The following PALLD variants were observed in gnomAD, a reference collection of about 807,000 sequenced individuals.
PALLD encodes palladin.
In PALLD, 61 loss-of-function variants were observed where a neutral mutation model predicts 123.5. The observed-to-expected ratio is 0.49, with a 90% CI of 0.40 to 0.61. The LOEUF is 0.61. Among genes scored for constraint, PALLD ranks in the 20% least tolerant of loss-of-function variants. PALLD has a pLI of 0.00. For synonymous variants in PALLD, 465 were observed against 496.4 expected, an observed-to-expected ratio of 0.94 and a Z score of 0.84; for missense variants, 1,273 against 1,377.0, an observed-to-expected ratio of 0.92 and a Z score of 1.20.
At chr4:168,908,129 A>G (rs2151354096) in intron 15 of PALLD, among the ~76,000 whole-genome samples, 2 of 152,312 alleles carry the variant, frequency 1.3e-5, no homozygotes, top group African/African-American at 4.8e-5. Flanking sequence ...CAAGTTTCTG[A>G]GCATGTTGCC....
intron 8 of PALLD, 42 bp downstream of exon 8, chr4:168,691,334 G>T: frequency 6.5e-7 from 1 of 1,531,872 alleles, no homozygotes; most frequent in Non-Finnish European, 9.0e-7. Context: ...TGGTGGGGGA[G>T]CAGATAATGT....
rs1031710807 is a variant in PALLD, at chr4:168,891,014, G to A, written c.2057G>A (p.Arg686Gln). Residue 686 changes from arginine to glutamine, a missense_variant, in exon 11 of 22, where the codon CGA becomes CAA. By Grantham distance (43) the Arg-to-Gln change is conservative. Coordinates refer to ENST00000505667, the MANE Select transcript of PALLD (RefSeq NM_001166108.2). ...TKDAVIQDLE[R>Q]KLRFKEDLLN... Reference sequence around the variant, plus strand: ...GATGCTGTTATTCAAGACCTGGAACGAAAACTTCGCTTCAAGGAGGACCTC... The same window carrying A: ...GATGCTGTTATTCAAGACCTGGAACAAAAACTTCGCTTCAAGGAGGACCTC... 9 of 1,613,976 alleles carry A rather than the reference G, an allele frequency of 5.6e-6. No homozygotes were observed. Among genetic ancestry groups the A allele is most frequent in the African/African-American group, 1.3e-5 (1 of 74,890 alleles).
chr4:168,527,179 T>C (rs771391740), intron 2 of PALLD, among the ~76,000 whole-genome samples: 3 of 151,868 alleles, frequency 2.0e-5, no homozygotes, highest in Admixed American at 6.6e-5. Flanking sequence ...TCCCAGCACG[T>C]TGGGAGGCTG....
intron 3 of PALLD, among the ~76,000 whole-genome samples, chr4:168,673,318 T>C (rs567534738): frequency 1.2e-4 from 18 of 152,280 alleles, no homozygotes; most frequent in Non-Finnish European, 2.4e-4. Context: ...TCCAAAGAGA[T>C]GACATTTGGT....
At chr4:168,917,895 A>G (rs577307530) in intron 17 of PALLD, among the ~76,000 whole-genome samples, 15 of 152,194 alleles carry the variant, frequency 9.9e-5, no homozygotes, top group African/African-American at 3.6e-4. Context: ...TAGTGCTTAT[A>G]TATCCGAGGA....
At chr4:168,744,113 G>A (rs1438015994) in intron 10 of PALLD, among the ~76,000 whole-genome samples, 2 of 152,122 alleles carry the variant, frequency 1.3e-5, no homozygotes, top group African/African-American at 4.8e-5. Flanking sequence ...TCAGCCCAGA[G>A]GACAACACTC....
intron 6 of PALLD, among the ~76,000 whole-genome samples, chr4:168,685,775 G>A (rs73864608): frequency 0.039 from 4,741 of 120,166 alleles, 147 homozygotes; most frequent in South Asian, 0.15. Flanking sequence ...GAACTTGATA[G>A]AGCCTAAAAT....
At chr4:168,742,019 T>C (rs1788397193) in intron 10 of PALLD, among the ~76,000 whole-genome samples, 1 of 152,230 alleles carries the variant, frequency 6.6e-6, no homozygotes, top group African/African-American at 2.4e-5. Flanking sequence ...CACTTGTTTC[T>C]GACTTTCCAG....
intron 2 of PALLD, among the ~76,000 whole-genome samples, chr4:168,659,103 AAATT>A (rs1778884763): frequency 6.6e-6 from 1 of 152,212 alleles, no homozygotes; most frequent in South Asian, 2.1e-4. Flanking sequence ...TACTCCATAA[AAATT>A]AATTAGTGTT....
At chr4:168,687,860 T>C (rs888272516) in intron 6 of PALLD, among the ~76,000 whole-genome samples, 3 of 152,136 alleles carry the variant, frequency 2.0e-5, no homozygotes, top group Admixed American at 2.0e-4. Flanking sequence ...ACTCTGTTCT[T>C]TATATAGGTT....
chr4:168,827,788 A>G (rs1743620384), intron 10 of PALLD, among the ~76,000 whole-genome samples: 1 of 152,230 alleles, frequency 6.6e-6, no homozygotes, highest in Non-Finnish European at 1.5e-5. Context: ...CATGCCTGTA[A>G]TCCCAGCACT....
At chr4:168,507,430 T>A (rs941610472) in intron 1 of PALLD, 1 of 186,018 alleles carries the variant, frequency 5.4e-6, no homozygotes, top group African/African-American at 2.3e-5. Context: ...TTGTGCCCAG[T>A]CTCCAAGCGG....
At chr4:168,803,492 C>T (rs1021280111) in intron 10 of PALLD, among the ~76,000 whole-genome samples, 2 of 151,928 alleles carry the variant, frequency 1.3e-5, no homozygotes, top group African/African-American at 4.8e-5. Flanking sequence ...CGAGACCAGC[C>T]TGGGCAACAT....
At chr4:168,744,987 A>G (rs1185350791) in intron 10 of PALLD, among the ~76,000 whole-genome samples, 1 of 152,098 alleles carries the variant, frequency 6.6e-6, no homozygotes, top group African/African-American at 2.4e-5. Flanking sequence ...CCATAACCCC[A>G]CTCTAAGTCA....
chr4:168,908,059 C>T (rs1329179329), intron 15 of PALLD, among the ~76,000 whole-genome samples: 3 of 152,214 alleles, frequency 2.0e-5, no homozygotes, highest in Non-Finnish European at 2.9e-5. Flanking sequence ...ATATATCCCA[C>T]TGAAATTGCT....
At position 168,750,046 on chromosome 4, in the gene PALLD, A is replaced by G. The variant is rs191348243; in HGVS notation, c.1964+38123A>G. ...ACTGCAACTTCCACCTTCGAGGTTC[A>G]AGCAATTCTCCCTGCCTCAACCTCC... On this transcript the variant is annotated intron_variant, in intron 10 of 21. Coordinates refer to ENST00000505667, the MANE Select transcript of PALLD (RefSeq NM_001166108.2). Among the ~76,000 whole-genome samples, 1,015 of 151,924 alleles carry G rather than the reference A, an allele frequency of 6.7e-3. 11 individuals are homozygous for G. Among genetic ancestry groups the G allele is most frequent in the African/African-American group, 0.023 (960 of 41,400 alleles).
chr4:168,561,347 C>T (rs933970388), intron 2 of PALLD, among the ~76,000 whole-genome samples: 1 of 152,116 alleles, frequency 6.6e-6, no homozygotes, highest in Non-Finnish European at 1.5e-5. Flanking sequence ...CTGTAGCCTC[C>T]ACGTTCTAGG....
chr4:168,879,329 G>A (rs1167583704), intron 10 of PALLD, among the ~76,000 whole-genome samples: 1 of 152,190 alleles, frequency 6.6e-6, no homozygotes, highest in African/African-American at 2.4e-5. Context: ...TGGTTGAAGA[G>A]TAAAATGAGT....
chr4:168,536,072 C>A (rs999438671), intron 2 of PALLD, among the ~76,000 whole-genome samples: 1 of 152,156 alleles, frequency 6.6e-6, no homozygotes, highest in Non-Finnish European at 1.5e-5. Flanking sequence ...TGTCTGGAAT[C>A]TTTTCTTAAG....
Sources: gnomAD v4.1 joint callset for allele counts (sites outside exome capture counted in the v4.1 genomes callset) on GRCh38, gnomAD v4.1.1 for gene constraint, MANE v1.5 for transcripts, NCBI Gene and HGNC (gene_info 2026-07-23, HGNC 2026-07-21) for gene names.